XKR9: variants seen among roughly 807,000 people sequenced by gnomAD.
XKR9 encodes XK-related protein 9.
In XKR9, 32 loss-of-function variants were observed where a neutral mutation model predicts 32.0. The observed-to-expected ratio is 1.00, with a 90% CI of 0.76 to 1.34. XKR9 has a LOEUF of 1.34. XKR9 is among the 40% of genes most tolerant of loss of function. XKR9 has a pLI of 0.00. For synonymous variants in XKR9, 168 were observed against 143.4 expected, an observed-to-expected ratio of 1.17 and a Z score of -1.22; for missense variants, 546 against 429.7, an observed-to-expected ratio of 1.27 and a Z score of -2.39.
the XKR9 span, among the ~76,000 whole-genome samples, chr8:71,055,948 A>G: frequency 6.6e-6 from 1 of 152,192 alleles, no homozygotes; most frequent in Admixed American, 6.6e-5. Flanking sequence ...TTAAATTCTA[A>G]TATACAAATA....
chr8:70,732,554 C>T (rs996269684), intron 4 of XKR9, among the ~76,000 whole-genome samples: 1 of 152,160 alleles, frequency 6.6e-6, no homozygotes, highest in Non-Finnish European at 1.5e-5. Context: ...TTGTAACCAC[C>T]CAGTGGGTTC....
At chr8:70,786,038 G>A (rs949186440) in intron 2 of XKR9, among the ~76,000 whole-genome samples, 1 of 151,840 alleles carries the variant, frequency 6.6e-6, no homozygotes, top group Non-Finnish European at 1.5e-5. Flanking sequence ...TGACCCATTG[G>A]TTGTTCAGGA....
chr8:70,840,437 C>T, the XKR9 span, among the ~76,000 whole-genome samples: 3 of 152,050 alleles, frequency 2.0e-5, no homozygotes, highest in Admixed American at 2.0e-4. Context: ...AAACCCATCT[C>T]AAACTGGTTT....
intron 3 of XKR9, among the ~76,000 whole-genome samples, chr8:70,692,670 C>A (rs1433015429): frequency 1.3e-5 from 2 of 152,064 alleles, no homozygotes; most frequent in African/African-American, 4.8e-5. Context: ...CCTCCACCTC[C>A]CAGGTTCAAG....
chr8:70,808,019 C>A, the XKR9 span, among the ~76,000 whole-genome samples: 3 of 151,656 alleles, frequency 2.0e-5, no homozygotes, highest in Non-Finnish European at 4.4e-5. Context: ...GGAAGTAAAC[C>A]ACTCCTTAGG....
the XKR9 span, among the ~76,000 whole-genome samples, chr8:70,841,999 AATT>A: frequency 6.6e-6 from 1 of 152,134 alleles, no homozygotes; most frequent in Non-Finnish European, 1.5e-5. Context: ...TGCTTGAATT[AATT>A]ATTACTATGA....
chr8:70,974,520 G>A, the XKR9 span, among the ~76,000 whole-genome samples: 1 of 152,114 alleles, frequency 6.6e-6, no homozygotes, highest in African/African-American at 2.4e-5. Context: ...GCGATAGTTT[G>A]CTTAGAATGA....
At chr8:70,724,537 C>G (rs1441177483) in intron 4 of XKR9, among the ~76,000 whole-genome samples, 1 of 152,076 alleles carries the variant, frequency 6.6e-6, no homozygotes, top group Non-Finnish European at 1.5e-5. Flanking sequence ...CATGAAGGTT[C>G]TCCTGGTCTA....
chr8:70,670,450 A>G (rs1391680744), intron 1 of XKR9: 4 of 152,176 alleles, frequency 2.6e-5, no homozygotes, highest in African/African-American at 9.6e-5. Context: ...GAGTTATGAC[A>G]ATTGTATGTA....
chr8:70,810,563 C>A, the XKR9 span, among the ~76,000 whole-genome samples: 2 of 152,126 alleles, frequency 1.3e-5, no homozygotes, highest in Non-Finnish European at 1.5e-5. Flanking sequence ...TGCAGAGACA[C>A]ACATAGACTC....
chr8:71,029,084 G>A, the XKR9 span, among the ~76,000 whole-genome samples: 2 of 152,106 alleles, frequency 1.3e-5, no homozygotes, highest in Non-Finnish European at 2.9e-5. Context: ...GACCCCACGT[G>A]AGCTGTTCTG....
chr8:70,904,008 T>G, the XKR9 span, among the ~76,000 whole-genome samples: 1 of 152,196 alleles, frequency 6.6e-6, no homozygotes, highest in South Asian at 2.1e-4. Flanking sequence ...GAGAGACAGT[T>G]TGCATTTGCT....
At chr8:70,965,299 G>A in the XKR9 span, among the ~76,000 whole-genome samples, 1 of 152,094 alleles carries the variant, frequency 6.6e-6, no homozygotes, top group Non-Finnish European at 1.5e-5. Context: ...GATGAAGGCA[G>A]CTTTATCATG....
the XKR9 span, among the ~76,000 whole-genome samples, chr8:70,876,940 CAT>C: frequency 6.6e-6 from 1 of 152,016 alleles, no homozygotes; most frequent in East Asian, 1.9e-4. Flanking sequence ...TGATAATAAA[CAT>C]AAATTTTATT....
chr8:70,736,990 T>TC (rs1806875179), downstream of XKR9, among the ~76,000 whole-genome samples: 1 of 152,224 alleles, frequency 6.6e-6, no homozygotes. Flanking sequence ...AGTAGTTTTT[T>TC]CCAATTCTGT....
the XKR9 span, among the ~76,000 whole-genome samples, chr8:70,889,502 A>C: frequency 6.6e-6 from 1 of 151,752 alleles, no homozygotes; most frequent in African/African-American, 2.4e-5. Flanking sequence ...TGATCTCATC[A>C]CCCAGGTCCT....
intron 2 of XKR9, chr8:70,781,090 A>G (rs1243894805): frequency 6.6e-6 from 1 of 152,044 alleles, no homozygotes; most frequent in Non-Finnish European, 1.5e-5. Flanking sequence ...TTCTTTTTAA[A>G]AAAATTATAA....
chr8:70,856,877 G>A, the XKR9 span, among the ~76,000 whole-genome samples: 1 of 151,956 alleles, frequency 6.6e-6, no homozygotes, highest in Non-Finnish European at 1.5e-5. Flanking sequence ...ATGACTACTG[G>A]GTACATAACA....
chr8:70,893,348 T>C, the XKR9 span, among the ~76,000 whole-genome samples: 3 of 152,190 alleles, frequency 2.0e-5, no homozygotes, highest in South Asian at 4.1e-4. Flanking sequence ...GATTTCCTTT[T>C]CATTGGGTTC....
Sources: gnomAD v4.1 joint callset for allele counts (sites outside exome capture counted in the v4.1 genomes callset) on GRCh38, gnomAD v4.1.1 for gene constraint, MANE v1.5 for transcripts, NCBI Gene and HGNC (gene_info 2026-07-23, HGNC 2026-07-21) for gene names.